The following ZSWIM6 variants were observed in gnomAD, a reference collection of about 807,000 sequenced individuals.
ZSWIM6 encodes the protein zinc finger SWIM-type containing 6.
Under a neutral mutation model 113.2 loss-of-function variants are expected in ZSWIM6, and 9 were observed. That is an observed-to-expected ratio of 0.08 (90% CI 0.05 to 0.14). The LOEUF is 0.14. ZSWIM6 is among the 10% of genes least tolerant of loss of function. The pLI is 1.00. For synonymous variants in ZSWIM6, 611 were observed against 606.5 expected, an observed-to-expected ratio of 1.01 and a Z score of -0.11; for missense variants, 1,162 against 1,552.2, an observed-to-expected ratio of 0.75 and a Z score of 4.22.
intron 1 of ZSWIM6, among the ~76,000 whole-genome samples, chr5:61,470,456 G>A (rs557974331): frequency 6.6e-6 from 1 of 152,082 alleles, no homozygotes; most frequent in East Asian, 1.9e-4. Flanking sequence ...ATTATTATAG[G>A]TTTATAGTAC....
chr5:61,522,080 G>GTTTTT (rs369447967), intron 5 of ZSWIM6, among the ~76,000 whole-genome samples: 6 of 141,602 alleles, frequency 4.2e-5, no homozygotes, highest in Non-Finnish European at 7.8e-5. Flanking sequence ...TTTCTGTCCT[G>GTTTTT]TTTTTTTTGT....
At chr5:61,473,476 C>T (rs960633588) in intron 2 of ZSWIM6, among the ~76,000 whole-genome samples, 2 of 152,114 alleles carry the variant, frequency 1.3e-5, no homozygotes, top group Admixed American at 6.5e-5. Context: ...AACATTATAG[C>T]TTGTTTAGAG....
intron 1 of ZSWIM6, among the ~76,000 whole-genome samples, chr5:61,406,592 A>G (rs1183344910): frequency 6.6e-6 from 1 of 152,164 alleles, no homozygotes; most frequent in Non-Finnish European, 1.5e-5. Flanking sequence ...AAAATCTGTC[A>G]TAATTAGTCA....
intron 1 of ZSWIM6, among the ~76,000 whole-genome samples, chr5:61,363,337 A>T (rs772020525): frequency 2.0e-5 from 3 of 152,236 alleles, no homozygotes; most frequent in Non-Finnish European, 2.9e-5. Context: ...ATTGTTTGTT[A>T]TATAGAATTG....
At chr5:61,373,014 G>A (rs1242673909) in intron 1 of ZSWIM6, among the ~76,000 whole-genome samples, 1 of 151,842 alleles carries the variant, frequency 6.6e-6, no homozygotes, top group Non-Finnish European at 1.5e-5. Context: ...TTACCTCTTT[G>A]TTACCCATAA....
chr5:61,397,111 G>A (rs1416403330), intron 1 of ZSWIM6, among the ~76,000 whole-genome samples: 1 of 152,172 alleles, frequency 6.6e-6, no homozygotes, highest in African/African-American at 2.4e-5. Flanking sequence ...GCCTGAATTT[G>A]TTTGTTGTAT....
At position 61,544,441 on chromosome 5, in the gene ZSWIM6, T is replaced by C; in HGVS notation, c.*124T>C. ...CACACCGGTATTATATGTGTATAGT[T>C]ATATTGCGTTTGCAGACTAAATTGT... On this transcript the variant is annotated 3_prime_UTR_variant, in exon 14 of 14. Coordinates refer to ENST00000252744, the MANE Select transcript of ZSWIM6 (RefSeq NM_020928.2). The C allele has an allele frequency of 1.9e-6, 1 of 521,302 alleles. No homozygotes were observed. The highest frequency in any genetic ancestry group is 3.3e-6 in the Non-Finnish European group (1 of 307,582). 32.3% of individuals were successfully genotyped at this position (521,302 alleles called of 1,614,324 possible).
chr5:61,370,334 G>A (rs981777405), intron 1 of ZSWIM6, among the ~76,000 whole-genome samples: 5 of 152,202 alleles, frequency 3.3e-5, no homozygotes, highest in African/African-American at 1.2e-4. Context: ...AATGGGAAAA[G>A]TCATTCTATA....
intron 12 of ZSWIM6, 141 bp downstream of exon 12, chr5:61,539,900 C>A (rs1749684479): frequency 1.2e-6 from 1 of 843,866 alleles, no homozygotes; most frequent in African/African-American, 1.7e-5. Context: ...CAGGAGAGAA[C>A]TGTATTTCAG....
At chr5:61,385,329 T>C (rs1745572144) in intron 1 of ZSWIM6, among the ~76,000 whole-genome samples, 2 of 152,210 alleles carry the variant, frequency 1.3e-5, no homozygotes, top group South Asian at 4.1e-4. Flanking sequence ...TCCTGGGTTG[T>C]CCGGGAAATT....
chr5:61,386,981 CTT>C (rs1008388503), intron 1 of ZSWIM6, among the ~76,000 whole-genome samples: 6 of 152,162 alleles, frequency 3.9e-5, no homozygotes, highest in African/African-American at 1.4e-4. Flanking sequence ...TGTTAAGACT[CTT>C]TTCAAGGGAG....
Position 61,545,572 on chromosome 5 carries a change from T to C in ZSWIM6, c.*1255T>C, listed in dbSNP as rs953266665. The C allele has an allele frequency of 2.6e-5, 4 of 152,126 alleles. No individual in the cohort carries two copies. Among genetic ancestry groups the C allele is most frequent in the Non-Finnish European group, 5.9e-5 (4 of 68,014 alleles). The allele number at this position is 152,126 out of a possible 1,614,324, so 9.4% of individuals were successfully genotyped here. A position where few individuals can be genotyped will look rare whatever the true frequency, so the allele number is the denominator to read the frequency against. On this transcript the variant is annotated 3_prime_UTR_variant, in exon 14 of 14. Coordinates refer to ENST00000252744, the MANE Select transcript of ZSWIM6 (RefSeq NM_020928.2). ...CTTTGTGCACAAATAACATTATATATATTATATATCTATTCTGCATAGGTA... is the reference window on the plus strand; with the variant it reads ...CTTTGTGCACAAATAACATTATATACATTATATATCTATTCTGCATAGGTA...
Position 61,332,277 on chromosome 5 carries a change from C to G in ZSWIM6, c.5C>G (p.Ala2Gly). ...CGGGTTAGAAGCGGCGCGGTCATGG[C>G]GGAGCGCGGACAGCAGCCTCCTCCC... M[A>G]ERGQQPPPAK... The change falls in exon 1 of 14, where the codon GCG (alanine) becomes GGG (glycine). Residue 2 changes from alanine to glycine, a missense_variant. Around this residue, in one of 4 missense-constraint regions of ZSWIM6, gnomAD observed 333 missense variants for 293.4 expected, o/e 1.13. Transcript: ENST00000252744. 1 of 1,162,336 alleles carries G rather than the reference C, an allele frequency of 8.6e-7. No individual in the cohort carries two copies. The highest frequency in any genetic ancestry group is 2.5e-4 in the Middle Eastern group (1 of 4,056). 72.0% of individuals were successfully genotyped at this position (1,162,336 alleles called of 1,614,324 possible). A position where few individuals can be genotyped will look rare whatever the true frequency, so the allele number is the denominator to read the frequency against.
At chr5:61,517,778 A>T (rs13158413) in intron 4 of ZSWIM6, among the ~76,000 whole-genome samples, 29,408 of 147,496 alleles carry the variant, frequency 0.2, 3,155 homozygotes, top group South Asian at 0.37. Flanking sequence ...TAATTATTTA[A>T]TTATTTATTT....
At chr5:61,448,269 T>C (rs1373532367) in intron 1 of ZSWIM6, among the ~76,000 whole-genome samples, 1 of 152,218 alleles carries the variant, frequency 6.6e-6, no homozygotes, top group Non-Finnish European at 1.5e-5. Context: ...ATACGTATTT[T>C]ATTGAGTTGT....
chr5:61,501,783 C>T (rs1748472260), intron 4 of ZSWIM6, among the ~76,000 whole-genome samples: 5 of 152,190 alleles, frequency 3.3e-5, no homozygotes, highest in Admixed American at 3.3e-4. Flanking sequence ...TTTATGTCAT[C>T]TTTCTACTTA....
chr5:61,506,248 C>T (rs1430680003), intron 4 of ZSWIM6, among the ~76,000 whole-genome samples: 1 of 152,112 alleles, frequency 6.6e-6, no homozygotes, highest in Non-Finnish European at 1.5e-5. Flanking sequence ...GAATTAAAAA[C>T]TGGCATATCA....
chr5:61,537,912 C>G (rs1024432143), intron 10 of ZSWIM6, among the ~76,000 whole-genome samples: 2 of 152,158 alleles, frequency 1.3e-5, no homozygotes, highest in Non-Finnish European at 2.9e-5. Context: ...ATTTGCTTTG[C>G]TTTTAGAAAT....
At chr5:61,434,883 G>A (rs1270746647) in intron 1 of ZSWIM6, among the ~76,000 whole-genome samples, 1 of 152,016 alleles carries the variant, frequency 6.6e-6, no homozygotes, top group South Asian at 2.1e-4. Flanking sequence ...TCACAGTTAC[G>A]AAACAAATAC....
Sources: gnomAD v4.1 joint callset for allele counts (sites outside exome capture counted in the v4.1 genomes callset) on GRCh38, gnomAD v4.1.1 for gene constraint, gnomAD v4.1.1 regional missense constraint, MANE v1.5 for transcripts, NCBI Gene and HGNC (gene_info 2026-07-23, HGNC 2026-07-21) for gene names.